The following CFH variants were observed in gnomAD, a reference collection of about 807,000 sequenced individuals.
CFH encodes complement factor H, also known as H factor 1 (complement).
A neutral mutation model predicts 147.3 loss-of-function variants in CFH; 53 were observed. That is an observed-to-expected ratio of 0.36 (90% confidence interval 0.29 to 0.45). The LOEUF (loss-of-function observed/expected upper bound fraction) is 0.45, where lower values mean the gene tolerates loss of function less well. Among genes scored for constraint, CFH ranks in the 20% least tolerant of loss-of-function variants. CFH has a pLI of 1.00. For missense variants in CFH, 1,380 were observed against 1,498.0 expected, an observed-to-expected ratio of 0.92 and a Z score of 1.30; for synonymous variants, 536 against 489.4, an observed-to-expected ratio of 1.10 and a Z score of -1.26.
At chr1:196,687,667 T>C (rs1018141228) in intron 7 of CFH, among the ~76,000 whole-genome samples, 1 of 152,102 alleles carries the variant, frequency 6.6e-6, no homozygotes, top group African/African-American at 2.4e-5. Context: ...CAATGCAGAA[T>C]TATTGTTAAA....
rs55937593 is a variant in CFH at position 196,677,739 on chromosome 1, C to T, written c.619+72C>T. The T allele has an allele frequency of 1.5e-3, 2,052 of 1,382,434 alleles. 10 individuals are homozygous for T. The highest frequency in any genetic ancestry group is 2.0e-3 in the Middle Eastern group (11 of 5,602). The allele number at this position is 1,382,434 out of a possible 1,614,324, so 85.6% of individuals were successfully genotyped here. On this transcript the variant is annotated intron_variant, in intron 5 of 21. Coordinates refer to ENST00000367429, the MANE Select transcript of CFH (RefSeq NM_000186.4). ...ATATACATTTAAAACATCGTTCATTCTAAGGAATATCAGCAATATTAACAA... is the reference window on the plus strand; with the variant it reads ...ATATACATTTAAAACATCGTTCATTTTAAGGAATATCAGCAATATTAACAA...
At chr1:196,705,460 C>A (rs1430604726) in intron 9 of CFH, among the ~76,000 whole-genome samples, 1 of 152,082 alleles carries the variant, frequency 6.6e-6, no homozygotes, top group Non-Finnish European at 1.5e-5. Flanking sequence ...AGCCCTAAGA[C>A]CAGACACTTG....
rs71131720 is a variant in CFH, at chr1:196,692,901, C to CCCTT, written c.1336+2692_1336+2695dup. ...CACCTCCCTCCCTCCCTCCCTCCCTCCCTTCCTTCCTTCCTTCCTTCCTTC... is the reference window on the plus strand; with the variant it reads ...CACCTCCCTCCCTCCCTCCCTCCCTCCCTTCCTTCCTTCCTTCCTTCCTTCCTTC... On this transcript the variant is annotated intron_variant, in intron 9 of 21. Coordinates refer to ENST00000367429, the MANE Select transcript of CFH (RefSeq NM_000186.4). 1.3e-3 allele frequency among the ~76,000 whole-genome samples: 93 copies of CCCTT among 70,720 alleles called. 7 individuals carry two copies. The highest frequency in any genetic ancestry group is 2.4e-3 in the Admixed American group (15 of 6,332). The allele number at this position is 70,720 out of a possible 152,430, so 46.4% of individuals were successfully genotyped here.
At chr1:196,696,600 A>G (rs1003052884) in intron 9 of CFH, among the ~76,000 whole-genome samples, 1 of 152,220 alleles carries the variant, frequency 6.6e-6, no homozygotes, top group Non-Finnish European at 1.5e-5. Flanking sequence ...CTTTGGCAGC[A>G]TGCCATCCCC....
chr1:196,682,911 T>C (rs2149084037), intron 6 of CFH, among the ~76,000 whole-genome samples: 1 of 151,648 alleles, frequency 6.6e-6, no homozygotes, highest in East Asian at 1.9e-4. Context: ...ACTTAGGAGC[T>C]GAATGGACAC....
intron 1 of CFH, among the ~76,000 whole-genome samples, chr1:196,656,303 C>T (rs1378817625): frequency 7.9e-5 from 7 of 88,102 alleles, no homozygotes; most frequent in Non-Finnish European, 1.3e-4. Context: ...GATTCCATCT[C>T]AAAAAGAAAA....
At position 196,747,334 on chromosome 1, in the gene CFH, C is replaced by T. The variant is rs763717279; in HGVS notation, c.*21C>T. 1.9e-5 allele frequency: 31 copies of T among 1,613,602 alleles called. No homozygotes were observed. The highest frequency in any genetic ancestry group is 2.6e-5 in the Non-Finnish European group (31 of 1,179,694). ...GATAGAATCAATCATAAAGTGCACA[C>T]CTTTATTCAGAACTTTAGTATTAAA... On this transcript the variant is annotated 3_prime_UTR_variant, in exon 22 of 22. Coordinates refer to ENST00000367429, the MANE Select transcript of CFH (RefSeq NM_000186.4).
At chr1:196,715,178 T>C (rs1668839260) in intron 10 of CFH, among the ~76,000 whole-genome samples, 1 of 151,970 alleles carries the variant, frequency 6.6e-6, no homozygotes, top group East Asian at 1.9e-4. Context: ...AACATAGGAA[T>C]TTATATTTTC....
At chr1:196,652,244 G>A (rs1666525914) in intron 1 of CFH, 69 bp downstream of exon 1, 2 of 1,231,934 alleles carry the variant, frequency 1.6e-6, no homozygotes, top group Admixed American at 3.5e-5. Context: ...CTTTTCACAG[G>A]AGTAATAAAA....
rs527295833 is a variant in CFH at position 196,715,576 on chromosome 1, A to C, written c.1520-17A>C. ...AGATGACATTAGAAATGACATTCTA[A>C]ATTTTTTATGCACTAGAATCTTGTG... is the stretch of plus-strand genomic sequence containing the variant. On this transcript the variant is annotated splice_polypyrimidine_tract_variant and intron_variant, in intron 10 of 21. Coordinates refer to ENST00000367429, the MANE Select transcript of CFH (RefSeq NM_000186.4). The C allele has an allele frequency of 6.3e-7, 1 of 1,595,512 alleles. No individual in the cohort carries two copies. The highest frequency in any genetic ancestry group is 1.1e-5 in the South Asian group (1 of 90,664).
intron 1 of CFH, among the ~76,000 whole-genome samples, chr1:196,667,458 T>G (rs1191661462): frequency 1.3e-5 from 2 of 152,234 alleles, no homozygotes; most frequent in African/African-American, 4.8e-5. Context: ...TTTTATCTAA[T>G]AATACTTTCT....
chr1:196,666,561 C>A (rs993891887), intron 1 of CFH, among the ~76,000 whole-genome samples: 5 of 151,168 alleles, frequency 3.3e-5, no homozygotes. Flanking sequence ...CCGAGGTGGG[C>A]GGATCACTTT....
intron 1 of CFH, among the ~76,000 whole-genome samples, chr1:196,657,866 C>T (rs1031191723): frequency 3.9e-5 from 6 of 151,996 alleles, no homozygotes; most frequent in African/African-American, 1.4e-4. Context: ...TCTACCAAAA[C>T]AATCTAGCAC....
chr1:196,676,762 A>AT (rs1033356713), intron 4 of CFH, among the ~76,000 whole-genome samples: 5 of 152,054 alleles, frequency 3.3e-5, no homozygotes, highest in Non-Finnish European at 2.9e-5. Flanking sequence ...ATAATGGAAG[A>AT]TTTTTTCATC....
chr1:196,656,572 G>T (rs569106847), intron 1 of CFH, among the ~76,000 whole-genome samples: 1 of 152,066 alleles, frequency 6.6e-6, no homozygotes, highest in South Asian at 2.1e-4. Flanking sequence ...AGATATAATG[G>T]AAAGGCTTCC....
At chr1:196,697,883 T>C (rs36137052) in intron 9 of CFH, among the ~76,000 whole-genome samples, 97,884 of 151,352 alleles carry the variant, frequency 0.65, 32,083 homozygotes, top group East Asian at 0.95. Flanking sequence ...AAACCATCAT[T>C]CTCAGCAAAC....
intron 7 of CFH, among the ~76,000 whole-genome samples, chr1:196,688,430 G>T (rs1476905814): frequency 2.0e-5 from 3 of 151,954 alleles, no homozygotes; most frequent in Non-Finnish European, 2.9e-5. Context: ...TGGATATGAA[G>T]AAATATTTCT....
At chr1:196,736,162 C>T (rs1375850838) in intron 15 of CFH, among the ~76,000 whole-genome samples, 1 of 152,024 alleles carries the variant, frequency 6.6e-6, no homozygotes, top group Non-Finnish European at 1.5e-5. Context: ...TGTGATTATA[C>T]AACTAAAGCC....
intron 9 of CFH, among the ~76,000 whole-genome samples, chr1:196,713,116 A>T (rs114382174): frequency 0.02 from 3,054 of 152,178 alleles, 95 homozygotes; most frequent in African/African-American, 0.069. Context: ...ATCATCAGTT[A>T]ACAGAAACAG....
Sources: allele counts gnomAD v4.1 joint callset (sites outside exome capture counted in the v4.1 genomes callset), GRCh38; gene constraint gnomAD v4.1.1; transcripts MANE v1.5; gene names NCBI Gene and HGNC (gene_info 2026-07-23, HGNC 2026-07-21).